The following EIF5B variants were observed in gnomAD, a reference collection of about 807,000 sequenced individuals.
EIF5B encodes the protein eukaryotic translation initiation factor 5B.
In EIF5B, 47 loss-of-function variants were observed where a neutral mutation model predicts 147.5. The ratio of observed to expected loss-of-function variants is 0.32; its 90% confidence interval spans 0.25 to 0.41. The LOEUF (loss-of-function observed/expected upper bound fraction) is 0.41. Among genes scored for constraint, EIF5B ranks in the 10% least tolerant of loss-of-function variants. EIF5B has a pLI of 1.00. For missense variants in EIF5B, 1,064 were observed against 1,413.2 expected (o/e 0.75, Z 3.96); for synonymous variants, 455 against 456.2 (o/e 1.00, Z 0.03).
At chr2:99,392,566 T>A (rs1437874517) in intron 17 of EIF5B, among the ~76,000 whole-genome samples, 3 of 152,224 alleles carry the variant, frequency 2.0e-5, no homozygotes, top group Non-Finnish European at 2.9e-5. Flanking sequence ...CTGCTAAGTG[T>A]GTAGCTCATT....
intron 9 of EIF5B, among the ~76,000 whole-genome samples, chr2:99,372,963 T>C (rs1016243073): frequency 8.5e-5 from 13 of 152,174 alleles, no homozygotes; most frequent in Non-Finnish European, 1.6e-4. Context: ...TGCCTTAAAA[T>C]CTCCCATCAT....
At chr2:99,353,722 T>C (rs886200704) in intron 1 of EIF5B, among the ~76,000 whole-genome samples, 1 of 152,196 alleles carries the variant, frequency 6.6e-6, no homozygotes, top group African/African-American at 2.4e-5. Context: ...CTCAGGTGTC[T>C]TGTATGTTTC....
At chr2:99,378,613 A>G (rs1470804630) in intron 10 of EIF5B, among the ~76,000 whole-genome samples, 1 of 152,236 alleles carries the variant, frequency 6.6e-6, no homozygotes, top group Non-Finnish European at 1.5e-5. Flanking sequence ...TGAATTTTTT[A>G]AAATGTACAA....
chr2:99,373,109 C>T (rs368760303), intron 9 of EIF5B, among the ~76,000 whole-genome samples: 5 of 152,286 alleles, frequency 3.3e-5, no homozygotes, highest in African/African-American at 9.6e-5. Context: ...ATATTTCTAA[C>T]AATGCCTTTT....
chr2:99,361,165 A>G lies in EIF5B; in HGVS notation c.264A>G (p.Glu88=), dbSNP rs201274732. ...TTTTTTAGCCAACAGAAAACAATGA[A>G]GAGGAATTCACCTCAAAAGATAAAA... The part of the protein sequence containing the change: ...TVAVKPTENN[E]EEFTSKDKKK... Residue 88 remains glutamate (E), a synonymous_variant, in exon 4 of 24, where the codon GAA becomes GAG. Coordinates refer to ENST00000289371, the MANE Select transcript of EIF5B (RefSeq NM_015904.4). The G allele has an allele frequency of 6.5e-7, 1 of 1,530,150 alleles. No homozygotes were observed. The highest frequency in any genetic ancestry group is 8.7e-7 in the Non-Finnish European group (1 of 1,145,106). 94.8% of individuals were successfully genotyped at this position (1,530,150 alleles called of 1,614,324 possible). A position where few individuals can be genotyped will look rare whatever the true frequency, so the allele number is the denominator to read the frequency against.
At chr2:99,359,726 A>G (rs1383592742) in intron 1 of EIF5B, among the ~76,000 whole-genome samples, 1 of 152,200 alleles carries the variant, frequency 6.6e-6, no homozygotes, top group Non-Finnish European at 1.5e-5. Flanking sequence ...TTCTCAGGAC[A>G]TTCAATCCTT....
At chr2:99,394,690 A>G (rs761789875) in intron 20 of EIF5B, 29 bp from the exon 21 acceptor site, 3 of 1,608,486 alleles carry the variant, frequency 1.9e-6, no homozygotes, top group East Asian at 2.2e-5. Context: ...TTTTCACTGA[A>G]TGGTCTTTGA....
intron 6 of EIF5B, among the ~76,000 whole-genome samples, chr2:99,367,248 G>A (rs954594377): frequency 6.6e-6 from 1 of 152,118 alleles, no homozygotes; most frequent in African/African-American, 2.4e-5. Context: ...TCAGATATCT[G>A]AGAAAGAATT....
rs200353540 is a variant in EIF5B, at chr2:99,361,767, C to G, written c.866C>G (p.Thr289Ser). Reference sequence around the variant, plus strand: ...GTAAAATCCAAAGTGACTGTTGATACTGGAGTAATTCCTGCCTCTGAAGAG... The same window carrying G: ...GTAAAATCCAAAGTGACTGTTGATAGTGGAGTAATTCCTGCCTCTGAAGAG... Reference protein sequence around the residue: ...ETVKSKVTVDTGVIPASEEKA... With the variant: ...ETVKSKVTVDSGVIPASEEKA... The change falls in exon 4 of 24, where the codon ACT (threonine) becomes AGT (serine). Residue 289 changes from threonine to serine, a missense_variant. Thr to Ser is a moderately conservative substitution (Grantham distance 58, BLOSUM62 1). Transcript: ENST00000289371. The G allele has an allele frequency of 3.9e-5, 62 of 1,579,392 alleles. No individual in the cohort carries two copies. The Middle Eastern group carries it at 5.1e-4, about 13-fold the overall frequency.
chr2:99,396,707 T>C (rs1675056135), intron 21 of EIF5B, 53 bp from the exon 22 acceptor site: 3 of 1,538,628 alleles, frequency 1.9e-6, no homozygotes, highest in Admixed American at 2.2e-5. Flanking sequence ...AGTTTTTCTT[T>C]TTATGTTTAA....
chr2:99,384,298 T>G (rs1674754384), intron 14 of EIF5B, among the ~76,000 whole-genome samples: 1 of 151,378 alleles, frequency 6.6e-6, no homozygotes, highest in Non-Finnish European at 1.5e-5. Context: ...TGCTGAATAT[T>G]TTAAGCCCAT....
At chr2:99,386,862 T>C (rs74835888) in intron 14 of EIF5B, among the ~76,000 whole-genome samples, 1 of 152,202 alleles carries the variant, frequency 6.6e-6, no homozygotes, top group African/African-American at 2.4e-5. Context: ...CTTAATAGTG[T>C]GTTTTGAAGA....
intron 17 of EIF5B, among the ~76,000 whole-genome samples, chr2:99,391,063 C>G (rs998965039): frequency 1.1e-4 from 16 of 152,186 alleles, no homozygotes; most frequent in Non-Finnish European, 2.1e-4. Flanking sequence ...CTCCTAATAG[C>G]CTACCATTGA....
In EIF5B at chr2:99,360,185, T is replaced by A. The variant is rs1369932647; in HGVS notation, c.36-51T>A. The A allele has an allele frequency of 4.5e-6, 7 of 1,546,394 alleles. No individual in the cohort carries two copies. The South Asian group carries it at 8.8e-5, about 20-fold the overall frequency. ...AAATGATAAAATCTATATAAATGAA[T>A]GATTATTTTGCTTTTAAGTAGCATT... is the stretch of plus-strand genomic sequence containing the variant. On this transcript the variant is annotated intron_variant, in intron 1 of 23. Coordinates refer to ENST00000289371, the MANE Select transcript of EIF5B (RefSeq NM_015904.4).
At chr2:99,343,238 GAGCCACCGC>G (rs2094264557) in intron 1 of EIF5B, among the ~76,000 whole-genome samples, 1 of 151,606 alleles carries the variant, frequency 6.6e-6, no homozygotes, top group African/African-American at 2.4e-5. Flanking sequence ...TCATAGGTGT[GAGCCACCGC>G]ACCCAGCCTG....
At chr2:99,370,217 G>A (rs771287797) in intron 8 of EIF5B, among the ~76,000 whole-genome samples, 4 of 151,964 alleles carry the variant, frequency 2.6e-5, no homozygotes, top group African/African-American at 4.8e-5. Flanking sequence ...TCATTGTGGG[G>A]TATCTGTGTA....
chr2:99,364,467 A>T (rs376955817), intron 6 of EIF5B, 46 bp downstream of exon 6: 1 of 1,503,958 alleles, frequency 6.6e-7, no homozygotes. Context: ...AGCTCTGCAC[A>T]TGCAGTTATA....
At chr2:99,353,256 G>A (rs575281357) in intron 1 of EIF5B, among the ~76,000 whole-genome samples, 10 of 151,812 alleles carry the variant, frequency 6.6e-5, no homozygotes, top group South Asian at 2.1e-4. Flanking sequence ...CTTGTGATCC[G>A]CCAGCCTCGG....
rs1296286655 is a variant in EIF5B, at chr2:99,353,783, T to C, written c.36-6453T>C. Among the ~76,000 whole-genome samples the C allele has an allele frequency of 2.0e-5, 3 of 152,258 alleles. No homozygotes were observed. In the East Asian group the frequency reaches 5.8e-4, roughly 29 times the overall value. ...GTATTAATGGAATTAAGTATATATA[T>C]GACCTTTTGAGGTTGGCTTCTTTCT... is the stretch of plus-strand genomic sequence containing the variant. On this transcript the variant is annotated intron_variant, in intron 1 of 23. Coordinates refer to ENST00000289371, the MANE Select transcript of EIF5B (RefSeq NM_015904.4).
Sources: gnomAD v4.1 joint callset for allele counts (sites outside exome capture counted in the v4.1 genomes callset) on GRCh38, gnomAD v4.1.1 for gene constraint, MANE v1.5 for transcripts, NCBI Gene and HGNC (gene_info 2026-07-23, HGNC 2026-07-21) for gene names.